Variants in ZNF385D observed in about 807,000 individuals in gnomAD.
ZNF385D encodes zinc finger protein 385D.
ZNF385D carries 15 observed loss-of-function variants against 35.8 expected under a neutral mutation model. That is an observed-to-expected ratio of 0.42 (90% CI 0.28 to 0.64). ZNF385D has a LOEUF of 0.64. Among genes scored for constraint, ZNF385D ranks in the 30% least tolerant of loss-of-function variants. ZNF385D has a pLI of 0.23. For synonymous variants in ZNF385D, 212 were observed against 186.8 expected (o/e 1.13, Z -1.10); for missense variants, 474 against 494.6 (o/e 0.96, Z 0.39).
At chr3:22,251,619 T>C (rs1049637205) in intron 2 of ZNF385D, among the ~76,000 whole-genome samples, 1 of 152,098 alleles carries the variant, frequency 6.6e-6, no homozygotes, top group Non-Finnish European at 1.5e-5. Context: ...ATCCATTACA[T>C]GTCAGTAGTG....
chr3:22,312,413 G>A (rs1207960829), intron 2 of ZNF385D, among the ~76,000 whole-genome samples: 1 of 151,976 alleles, frequency 6.6e-6, no homozygotes, highest in Non-Finnish European at 1.5e-5. Flanking sequence ...AACATTTTTA[G>A]TACTAAAGAG....
intron 1 of ZNF385D, among the ~76,000 whole-genome samples, chr3:21,681,846 T>C (rs2066921875): frequency 6.6e-6 from 1 of 152,050 alleles, no homozygotes; most frequent in Non-Finnish European, 1.5e-5. Flanking sequence ...ATTTCATTGA[T>C]TTACTGATCC....
intron 1 of ZNF385D, among the ~76,000 whole-genome samples, chr3:21,688,386 G>A (rs1285433111): frequency 7.9e-5 from 12 of 151,890 alleles, no homozygotes; most frequent in Non-Finnish European, 1.8e-4. Flanking sequence ...CTGACATATA[G>A]CAATTTTATA....
intron 1 of ZNF385D, among the ~76,000 whole-genome samples, chr3:21,693,837 A>C (rs2067365166): frequency 6.6e-6 from 1 of 151,142 alleles, no homozygotes; most frequent in Non-Finnish European, 1.5e-5. Flanking sequence ...AAAAATATTA[A>C]TACTGTAAAA....
chr3:21,767,076 TCA>T (rs1469456262), intron 3 of ZNF385D, among the ~76,000 whole-genome samples: 7 of 104,676 alleles, frequency 6.7e-5, no homozygotes, highest in Non-Finnish European at 1.2e-4. Flanking sequence ...CCACCCACCC[TCA>T]CACACACATG....
chr3:21,663,287 T>C (rs555148172), intron 2 of ZNF385D, among the ~76,000 whole-genome samples: 3 of 152,318 alleles, frequency 2.0e-5, no homozygotes, highest in Admixed American at 6.5e-5. Context: ...ATGATATTCA[T>C]TGTCAGTCAA....
chr3:21,573,226 T>C (rs1347712396), intron 2 of ZNF385D, among the ~76,000 whole-genome samples: 1 of 152,202 alleles, frequency 6.6e-6, no homozygotes, highest in Non-Finnish European at 1.5e-5. Context: ...TAGAAATCGC[T>C]ATGTAAAAGA....
chr3:21,890,518 C>T (rs1698794987), intron 3 of ZNF385D, among the ~76,000 whole-genome samples: 1 of 152,100 alleles, frequency 6.6e-6, no homozygotes, highest in African/African-American at 2.4e-5. Flanking sequence ...ACTCAGGAGG[C>T]TGAGGCAGGA....
chr3:21,946,244 C>T (rs1237465188), intron 3 of ZNF385D, among the ~76,000 whole-genome samples: 4 of 151,928 alleles, frequency 2.6e-5, no homozygotes. Flanking sequence ...TAAAATGAGA[C>T]AATTACAGAA....
At chr3:21,960,412 C>T (rs1239399724) in intron 3 of ZNF385D, among the ~76,000 whole-genome samples, 1 of 151,824 alleles carries the variant, frequency 6.6e-6, no homozygotes, top group Non-Finnish European at 1.5e-5. Context: ...GTTAGAATGG[C>T]TATTACCAAA....
chr3:21,479,486 A>C (rs1001342519), intron 4 of ZNF385D, among the ~76,000 whole-genome samples: 1 of 152,156 alleles, frequency 6.6e-6, no homozygotes, highest in Non-Finnish European at 1.5e-5. Context: ...TAAAGAGTAG[A>C]TTTCTTTAAA....
intron 3 of ZNF385D, among the ~76,000 whole-genome samples, chr3:21,857,467 A>G (rs910213618): frequency 6.6e-6 from 1 of 152,008 alleles, no homozygotes; most frequent in Non-Finnish European, 1.5e-5. Context: ...CAGGGAGTAC[A>G]CAGGGTGTGT....
intron 2 of ZNF385D, among the ~76,000 whole-genome samples, chr3:22,274,063 A>C (rs1445338295): frequency 2.6e-5 from 4 of 151,964 alleles, no homozygotes; most frequent in Non-Finnish European, 4.4e-5. Flanking sequence ...ACCTTATTTC[A>C]TATTGAGTAA....
intron 2 of ZNF385D, among the ~76,000 whole-genome samples, chr3:22,361,063 C>A (rs1394927839): frequency 6.6e-6 from 1 of 152,006 alleles, no homozygotes; most frequent in South Asian, 2.1e-4. Flanking sequence ...CCGCTCAAAA[C>A]AAAACTAGTT....
intron 3 of ZNF385D, among the ~76,000 whole-genome samples, chr3:22,065,634 G>C (rs377487137): frequency 4.0e-5 from 6 of 151,544 alleles, no homozygotes; most frequent in Non-Finnish European, 8.8e-5. Context: ...TGTGGAGCTC[G>C]CAAGTGGTGA....
intron 3 of ZNF385D, among the ~76,000 whole-genome samples, chr3:22,024,957 C>G (rs912047286): frequency 6.6e-6 from 1 of 152,108 alleles, no homozygotes; most frequent in Non-Finnish European, 1.5e-5. Flanking sequence ...AAAATAGACA[C>G]AAGCTCTTAT....
intron 3 of ZNF385D, among the ~76,000 whole-genome samples, chr3:22,017,547 C>T (rs750898875): frequency 1.3e-5 from 2 of 151,968 alleles, no homozygotes; most frequent in African/African-American, 4.8e-5. Flanking sequence ...TTTATGTCTA[C>T]CATATTGTTT....
At chr3:22,033,671 G>A (rs186496920) in intron 3 of ZNF385D, among the ~76,000 whole-genome samples, 2 of 152,054 alleles carry the variant, frequency 1.3e-5, no homozygotes, top group Non-Finnish European at 2.9e-5. Flanking sequence ...AAATTAAGGT[G>A]ATTATAACAA....
At chr3:21,681,316 A>AAAAAAAAAAAAAAAAAAAAAAAAC (rs1334410224) in intron 1 of ZNF385D, among the ~76,000 whole-genome samples, 17 of 141,778 alleles carry the variant, frequency 1.2e-4, no homozygotes, top group Non-Finnish European at 1.7e-4. Context: ...AAAAAAAAAA[A>AAAAAAAAAAAAAAAAAAAAAAAAC]AAAAAAAACC....
Sources: allele counts gnomAD v4.1 joint callset (sites outside exome capture counted in the v4.1 genomes callset), GRCh38; gene constraint gnomAD v4.1.1; transcripts MANE v1.5; gene names NCBI Gene and HGNC (gene_info 2026-07-23, HGNC 2026-07-21).